GRM1: variants seen among roughly 807,000 people sequenced by gnomAD.
The protein encoded by GRM1 is metabotropic glutamate receptor 1.
A neutral mutation model predicts 90.9 loss-of-function variants in GRM1; 33 were observed. The ratio of observed to expected loss-of-function variants is 0.36; its 90% CI spans 0.28 to 0.49. The LOEUF (loss-of-function observed/expected upper bound fraction) is 0.49. GRM1 is among the 20% of genes least tolerant of loss of function. GRM1 has a pLI of 0.99. For synonymous variants in GRM1, 700 were observed against 613.2 expected, an observed-to-expected ratio of 1.14 and a Z score of -2.09; for missense variants, 1,190 against 1,534.3, an observed-to-expected ratio of 0.78 and a Z score of 3.75.
chr6:146,348,658 A>G (rs892478751), intron 3 of GRM1, among the ~76,000 whole-genome samples: 1 of 152,192 alleles, frequency 6.6e-6, no homozygotes, highest in African/African-American at 2.4e-5. Flanking sequence ...GGCTCTCTAT[A>G]TGACACTGAC....
In GRM1 at chr6:146,408,551, G is replaced by A. The variant is rs922367767; in HGVS notation, c.2660+8852G>A. ...GTGACATTAAAATTATAAAAACATG[G>A]GAAGGTATATGAAAGTTCTTATACT... On this transcript the variant is annotated intron_variant, in intron 7 of 7. Coordinates refer to ENST00000282753, the MANE Select transcript of GRM1 (RefSeq NM_001278064.2). Among the ~76,000 whole-genome samples the A allele has an allele frequency of 5.3e-5, 8 of 152,082 alleles. No homozygotes were observed. In the East Asian group the frequency reaches 1.2e-3, roughly 22 times the overall value.
At chr6:146,249,190 G>A (rs560650219) in intron 2 of GRM1, among the ~76,000 whole-genome samples, 1 of 152,290 alleles carries the variant, frequency 6.6e-6, no homozygotes, top group South Asian at 2.1e-4. Flanking sequence ...ATTTTCTGGG[G>A]AGGAATTTAA....
rs533700503 is a variant in GRM1 at position 146,279,259 on chromosome 6, T to C, written c.951-25352T>C. Among the ~76,000 whole-genome samples the C allele has an allele frequency of 1.2e-3, 187 of 152,260 alleles. 1 individual carries two copies. Among genetic ancestry groups the C allele is most frequent in the Non-Finnish European group, 2.0e-3 (136 of 68,012 alleles). On this transcript the variant is annotated intron_variant, in intron 2 of 7. Coordinates refer to ENST00000282753, the MANE Select transcript of GRM1 (RefSeq NM_001278064.2). ...CTCTCTGTCTCTCTCTTTCAGTATA[T>C]CTAGAGGTTTATAAATGCTGCTAAT...
chr6:146,227,008 C>G (rs1383813114), intron 2 of GRM1, among the ~76,000 whole-genome samples: 1 of 151,860 alleles, frequency 6.6e-6, no homozygotes, highest in Non-Finnish European at 1.5e-5. Context: ...AAATAATCCT[C>G]CAGACATTTT....
At chr6:146,382,250 A>G (rs1398057338) in intron 5 of GRM1, among the ~76,000 whole-genome samples, 3 of 144,446 alleles carry the variant, frequency 2.1e-5, no homozygotes, top group Non-Finnish European at 4.6e-5. Context: ...TATGACAAAT[A>G]TAAAAATAAT....
At chr6:146,212,514 T>C (rs1424953339) in intron 2 of GRM1, among the ~76,000 whole-genome samples, 1 of 152,212 alleles carries the variant, frequency 6.6e-6, no homozygotes, top group Non-Finnish European at 1.5e-5. Context: ...TCCAGGCCTA[T>C]AAATATCAGC....
At chr6:146,232,833 T>C (rs1240189771) in intron 2 of GRM1, among the ~76,000 whole-genome samples, 2 of 152,086 alleles carry the variant, frequency 1.3e-5, no homozygotes, top group Non-Finnish European at 2.9e-5. Context: ...TGAATTTTGA[T>C]GTGACACAAT....
At chr6:146,152,831 C>T (rs1191350638) in intron 1 of GRM1, among the ~76,000 whole-genome samples, 1 of 152,172 alleles carries the variant, frequency 6.6e-6, no homozygotes, top group African/African-American at 2.4e-5. Context: ...CAGCTCTCTA[C>T]CAGCCCTGAG....
intron 2 of GRM1, among the ~76,000 whole-genome samples, chr6:146,216,777 G>T (rs1183020749): frequency 1.3e-5 from 2 of 152,196 alleles, no homozygotes; most frequent in Admixed American, 1.3e-4. Context: ...TCAATAAATT[G>T]TTGAGAACAT....
At chr6:146,355,772 G>A (rs1269984498) in intron 4 of GRM1, among the ~76,000 whole-genome samples, 1 of 152,186 alleles carries the variant, frequency 6.6e-6, no homozygotes, top group Non-Finnish European at 1.5e-5. Context: ...GAGAGGGATT[G>A]TGAACATGAG....
intron 2 of GRM1, among the ~76,000 whole-genome samples, chr6:146,198,071 A>C (rs1484514791): frequency 6.6e-6 from 1 of 152,226 alleles, no homozygotes; most frequent in East Asian, 1.9e-4. Flanking sequence ...TATTACCTTG[A>C]TTGTAGTGAT....
intron 1 of GRM1, among the ~76,000 whole-genome samples, chr6:146,125,674 T>C (rs1776175735): frequency 6.6e-6 from 1 of 152,108 alleles, no homozygotes; most frequent in Non-Finnish European, 1.5e-5. Context: ...ACTTTAAGCA[T>C]CTAAACTCTT....
At chr6:146,092,205 T>C (rs901510797) in intron 1 of GRM1, among the ~76,000 whole-genome samples, 1 of 152,068 alleles carries the variant, frequency 6.6e-6, no homozygotes, top group Non-Finnish European at 1.5e-5. Context: ...TGGCTTGTAG[T>C]AGACAGCTAC....
chr6:146,132,599 G>C (rs931814682), intron 1 of GRM1, among the ~76,000 whole-genome samples: 1 of 152,108 alleles, frequency 6.6e-6, no homozygotes, highest in Non-Finnish European at 1.5e-5. Flanking sequence ...TAACTGAAAA[G>C]ATCTGTAATT....
At chr6:146,400,630 A>C (rs9399577) in intron 7 of GRM1, among the ~76,000 whole-genome samples, 7,075 of 152,238 alleles carry the variant, frequency 0.046, 271 homozygotes, top group East Asian at 0.2. Context: ...TCTGTGACCC[A>C]TGAAAACAAA....
At chr6:146,039,450 C>T (rs1223955481) in intron 1 of GRM1, among the ~76,000 whole-genome samples, 1 of 151,910 alleles carries the variant, frequency 6.6e-6, no homozygotes, top group Admixed American at 6.6e-5. Context: ...GAGAAAGAGC[C>T]TAGGTCATGA....
rs1241382424 is a variant in GRM1 at position 146,436,211 on chromosome 6, A to T, written c.*1415A>T. ...TCTACAGAAGCTCTTTGACGGTTTG[A>T]ATACTATGGCTCAAGGTTTTCATAT... On this transcript the variant is annotated 3_prime_UTR_variant, in exon 8 of 8. Transcript: ENST00000282753. 1.3e-5 allele frequency: 2 copies of T among 152,438 alleles called. No individual in the cohort carries two copies. The highest frequency in any genetic ancestry group is 2.9e-5 in the Non-Finnish European group (2 of 68,038). The allele number at this position is 152,438 out of a possible 1,614,324, so 9.4% of individuals were successfully genotyped here. A position where few individuals can be genotyped will look rare whatever the true frequency, so the allele number is the denominator to read the frequency against.
chr6:146,297,472 C>T (rs2114904951), intron 2 of GRM1, among the ~76,000 whole-genome samples: 1 of 152,170 alleles, frequency 6.6e-6, no homozygotes, highest in Admixed American at 6.6e-5. Context: ...AAAGTCCAAA[C>T]AATTTTTTTT....
chr6:146,205,313 A>T (rs77218266), intron 2 of GRM1, among the ~76,000 whole-genome samples: 272 of 152,266 alleles, frequency 1.8e-3, no homozygotes, highest in African/African-American at 6.3e-3. Flanking sequence ...ATTTTAAAAG[A>T]TAATGTTCAT....
Sources: gnomAD v4.1 joint callset for allele counts (sites outside exome capture counted in the v4.1 genomes callset) on GRCh38, gnomAD v4.1.1 for gene constraint, MANE v1.5 for transcripts, NCBI Gene and HGNC (gene_info 2026-07-23, HGNC 2026-07-21) for gene names.